Variants in TBC1D1 observed in about 807,000 individuals in gnomAD.
The protein encoded by TBC1D1 is TBC1 domain family member 1, also known as TBC1 (tre-2/USP6, BUB2, cdc16) domain family, member 1.
Under a neutral mutation model 125.6 loss-of-function variants are expected in TBC1D1, and 89 were observed. The observed-to-expected ratio is 0.71, with a 90% CI of 0.60 to 0.85. The LOEUF is 0.85. Ranked by LOEUF, TBC1D1 falls within the 40% of genes least tolerant of loss-of-function variation. The probability of loss-of-function intolerance (pLI) is 0.00; values close to 1 mark genes in which losing one functional copy is unlikely to be tolerated. For missense variants in TBC1D1, 1,377 were observed against 1,469.2 expected, an observed-to-expected ratio of 0.94 and a Z score of 1.03; for synonymous variants, 565 against 564.1, an observed-to-expected ratio of 1.00 and a Z score of -0.02.
chr4:37,965,906 C>T (rs1560541767), intron 2 of TBC1D1, among the ~76,000 whole-genome samples: 2 of 152,004 alleles, frequency 1.3e-5, no homozygotes, highest in Non-Finnish European at 2.9e-5. Context: ...GCCACCATGC[C>T]CAGCTAATTT....
chr4:38,045,829 A>G lies in TBC1D1; in HGVS notation c.1555A>G (p.Arg519Gly), dbSNP rs747266033. The G allele has an allele frequency of 2.8e-5, 46 of 1,614,164 alleles. 1 individual carries two copies. In the South Asian group the frequency reaches 4.7e-4, roughly 17 times the overall value. Residue 519 changes from arginine (R) to glycine (G), a missense_variant, in exon 10 of 20, where the codon AGA (arginine) becomes GGA (glycine). Transcript: ENST00000261439. The stretch of plus-strand genomic sequence containing the variant: ...TTTCTTTATGTAGGGTAATAAAGCC[A>G]GAGGCCTGCAGGAACACTCCATCAG...
At chr4:38,038,174 G>C (rs551508220) in intron 8 of TBC1D1, among the ~76,000 whole-genome samples, 71 of 152,148 alleles carry the variant, frequency 4.7e-4, no homozygotes, top group Non-Finnish European at 9.3e-4. Flanking sequence ...TGATGTCTAA[G>C]TACTTTATCT....
At chr4:37,993,791 A>G (rs2152392559) in intron 2 of TBC1D1, among the ~76,000 whole-genome samples, 1 of 152,336 alleles carries the variant, frequency 6.6e-6, no homozygotes, top group East Asian at 1.9e-4. Context: ...CATGTTGGCC[A>G]GGCTGGTCTC....
Position 38,020,609 on chromosome 4 carries a change from C to T in TBC1D1, c.991C>T (p.His331Tyr), listed in dbSNP as rs772746219. 3.1e-6 allele frequency: 5 copies of T among 1,612,886 alleles called. No individual in the cohort carries two copies. Among genetic ancestry groups the T allele is most frequent in the Non-Finnish European group, 4.2e-6 (5 of 1,179,304 alleles). The change falls in exon 5 of 20, where the codon CAC becomes TAC. Residue 331 changes from histidine (H) to tyrosine (Y), a missense_variant. His to Tyr is a moderately conservative substitution (Grantham distance 83). This residue lies in a region of TBC1D1 where 822 missense variants were observed against 824.6 expected (regional missense o/e 1.00). Coordinates refer to ENST00000261439, the MANE Select transcript of TBC1D1 (RefSeq NM_015173.4). The stretch of plus-strand genomic sequence containing the variant: ...TTGGCAGGGCATCAGACACGTGGAC[C>T]ACTTTGGGTTTATCTGTCGGGAGTC...
At chr4:38,073,230 C>T (rs1355269144) in intron 12 of TBC1D1, among the ~76,000 whole-genome samples, 1 of 152,184 alleles carries the variant, frequency 6.6e-6, no homozygotes, top group African/African-American at 2.4e-5. Flanking sequence ...TACATTCCCA[C>T]CAACAGTGCC....
At chr4:37,990,654 T>A (rs755546374) in intron 2 of TBC1D1, among the ~76,000 whole-genome samples, 3 of 152,228 alleles carry the variant, frequency 2.0e-5, no homozygotes, top group Non-Finnish European at 4.4e-5. Flanking sequence ...TCCAGAAATA[T>A]GTGAATATAA....
chr4:38,051,123 C>G (rs1188778754), intron 11 of TBC1D1, among the ~76,000 whole-genome samples: 1 of 152,202 alleles, frequency 6.6e-6, no homozygotes, highest in African/African-American at 2.4e-5. Flanking sequence ...AGTCCTAGTT[C>G]TCTTGTGAAG....
At chr4:38,130,615 C>A (rs1253224143) in intron 18 of TBC1D1, among the ~76,000 whole-genome samples, 1 of 152,148 alleles carries the variant, frequency 6.6e-6, no homozygotes, top group Non-Finnish European at 1.5e-5. Context: ...GAGCCAGTCC[C>A]CCTTGCAGAG....
chr4:37,892,603 A>G (rs924958810), intron 1 of TBC1D1, among the ~76,000 whole-genome samples: 1 of 152,074 alleles, frequency 6.6e-6, no homozygotes, highest in African/African-American at 2.4e-5. Context: ...GGAGAATAGG[A>G]AAAAAAATCA....
In TBC1D1 at chr4:38,110,761, G is replaced by A. The variant is rs1762071260; in HGVS notation, c.2558-4949G>A. 4 of 985,340 alleles carry A rather than the reference G, an allele frequency of 4.1e-6. No homozygotes were observed. In the African/African-American group the frequency reaches 5.2e-5, roughly 13 times the overall value. The allele number at this position is 985,340 out of a possible 1,614,324, so 61.0% of individuals were successfully genotyped here. A position where few individuals can be genotyped will look rare whatever the true frequency, so the allele number is the denominator to read the frequency against. ...TAAGTTGTAAAATGCAGTTTAAAGA[G>A]GCAGGCCTCATATCCTGATAGATTT... On this transcript the variant is annotated intron_variant, in intron 15 of 19. Transcript: ENST00000261439.
chr4:38,043,093 G>A (rs1438614881), intron 8 of TBC1D1, among the ~76,000 whole-genome samples: 1 of 151,848 alleles, frequency 6.6e-6, no homozygotes, highest in Non-Finnish European at 1.5e-5. Flanking sequence ...GTAGAGACAG[G>A]GTTTCCCCGT....
At position 38,015,464 on chromosome 4, in the gene TBC1D1, CT is replaced by C. The variant is rs545314565; in HGVS notation, c.882+504del. ...ATTAATTTAGCCAATGGCTTGCTTGCTTTTTTTTTTTTTAGAAAAAAAGTGT... is the reference window on the plus strand; with the variant it reads ...ATTAATTTAGCCAATGGCTTGCTTGCTTTTTTTTTTTTAGAAAAAAAGTGT... On this transcript the variant is annotated intron_variant, in intron 3 of 19. Transcript: ENST00000261439. Among the ~76,000 whole-genome samples the C allele has an allele frequency of 7.5e-3, 1,054 of 141,168 alleles. 12 individuals carry two copies. Among genetic ancestry groups the C allele is most frequent in the Admixed American group, 0.05 (703 of 14,194 alleles). The allele number at this position is 141,168 out of a possible 152,430, so 92.6% of individuals were successfully genotyped here. A position where few individuals can be genotyped will look rare whatever the true frequency, so the allele number is the denominator to read the frequency against.
intron 8 of TBC1D1, among the ~76,000 whole-genome samples, chr4:38,040,736 C>G (rs1194783138): frequency 6.6e-6 from 1 of 152,212 alleles, no homozygotes; most frequent in Non-Finnish European, 1.5e-5. Flanking sequence ...GGGCAATTCC[C>G]TTCACTCTGG....
chr4:38,013,646 A>T (rs986258275), intron 2 of TBC1D1, among the ~76,000 whole-genome samples: 1 of 152,206 alleles, frequency 6.6e-6, no homozygotes, highest in Non-Finnish European at 1.5e-5. Context: ...TGCCGTGCGG[A>T]TTCATCTTTA....
intron 15 of TBC1D1, among the ~76,000 whole-genome samples, chr4:38,105,781 A>G (rs1434881012): frequency 1.3e-5 from 2 of 152,122 alleles, no homozygotes; most frequent in African/African-American, 4.8e-5. Flanking sequence ...GTCCCTTTCT[A>G]TGGCTGCAGA....
chr4:38,115,098 CTT>C (rs56997021), intron 15 of TBC1D1, among the ~76,000 whole-genome samples: 9 of 134,628 alleles, frequency 6.7e-5, no homozygotes, highest in Admixed American at 7.5e-5. Flanking sequence ...TTTCTTTTTT[CTT>C]TTTTTTTTTT....
chr4:38,103,783 T>C (rs961046042), intron 15 of TBC1D1, among the ~76,000 whole-genome samples: 13 of 152,104 alleles, frequency 8.5e-5, no homozygotes, highest in African/African-American at 2.7e-4. Flanking sequence ...AACAATAATA[T>C]AGATTTTAAA....
intron 2 of TBC1D1, among the ~76,000 whole-genome samples, chr4:37,947,826 A>G (rs1003739528): frequency 6.6e-6 from 1 of 152,140 alleles, no homozygotes; most frequent in African/African-American, 2.4e-5. Context: ...TGTTTGGTAA[A>G]TTGTGTTTTA....
intron 10 of TBC1D1, 146 bp downstream of exon 10, chr4:38,046,049 A>G (rs1749386722): frequency 7.2e-6 from 5 of 689,854 alleles, no homozygotes; most frequent in South Asian, 1.7e-5. Flanking sequence ...CAGTTCTATC[A>G]TAACATAAAA....
Sources: allele counts gnomAD v4.1 joint callset (sites outside exome capture counted in the v4.1 genomes callset), GRCh38; gene constraint gnomAD v4.1.1; regional missense constraint gnomAD v4.1.1; transcripts MANE v1.5; gene names NCBI Gene and HGNC (gene_info 2026-07-23, HGNC 2026-07-21).